BEND5: variants seen among roughly 807,000 people sequenced by gnomAD.
BEND5 encodes BEN domain containing 5, also known as BEN domain-containing protein 5.
A neutral mutation model predicts 43.9 loss-of-function variants in BEND5; 22 were observed. That is an observed-to-expected ratio of 0.50 (90% CI 0.36 to 0.72). The LOEUF (loss-of-function observed/expected upper bound fraction) is 0.72. BEND5 is among the 30% of genes least tolerant of loss of function. The probability of loss-of-function intolerance (pLI) is 0.00; values close to 1 mark genes in which losing one functional copy is unlikely to be tolerated. For missense variants in BEND5, 428 were observed against 550.6 expected (o/e 0.78, Z 2.23); for synonymous variants, 228 against 225.9 (o/e 1.01, Z -0.08).
intron 1 of BEND5, 117 bp from the exon 2 acceptor site, chr1:48,761,587 G>GA (rs1473357077): frequency 1.8e-6 from 2 of 1,100,216 alleles, no homozygotes; most frequent in Non-Finnish European, 2.5e-6. Flanking sequence ...AGTTAAAAAG[G>GA]AAAAACAAAC....
At chr1:48,739,554 G>T (rs1480366091) in intron 4 of BEND5, among the ~76,000 whole-genome samples, 1 of 152,188 alleles carries the variant, frequency 6.6e-6, no homozygotes, top group African/African-American at 2.4e-5. Flanking sequence ...GGGTGCTGGA[G>T]CTGCCAGCCT....
chr1:48,761,471 C>T lies in BEND5; in HGVS notation c.227-1G>A. ...CTGTTTTCAAGGTCAGATTTGTCTT[C>T]TAAAATGCATATCAAGAGAACAAGG... On this transcript the variant is annotated splice_acceptor_variant, in intron 1 of 5. Coordinates refer to ENST00000371833, the MANE Select transcript of BEND5 (RefSeq NM_024603.4). LOFTEE classifies it high-confidence loss of function. The T allele has an allele frequency of 6.5e-7, 1 of 1,549,906 alleles. No individual in the cohort carries two copies. Among genetic ancestry groups the T allele is most frequent in the South Asian group, 1.2e-5 (1 of 83,874 alleles).
rs898394346 is a variant in BEND5, at chr1:48,727,819, G to T, written c.*67C>A. 4 of 1,463,030 alleles carry T rather than the reference G, an allele frequency of 2.7e-6. No homozygotes were observed. Among genetic ancestry groups the T allele is most frequent in the Non-Finnish European group, 3.8e-6 (4 of 1,060,436 alleles). 90.6% of individuals were successfully genotyped at this position (1,463,030 alleles called of 1,614,324 possible). A position where few individuals can be genotyped will look rare whatever the true frequency, so the allele number is the denominator to read the frequency against. ...ATGCACGGTGGGGTCTGATTTGGAC[G>T]GCACCATCGCTCGCAAATCACATGC... On this transcript the variant is annotated 3_prime_UTR_variant, in exon 6 of 6. Transcript: ENST00000371833.
intron 5 of BEND5, among the ~76,000 whole-genome samples, chr1:48,735,968 C>T (rs1471112332): frequency 6.6e-6 from 1 of 152,184 alleles, no homozygotes; most frequent in Non-Finnish European, 1.5e-5. Context: ...GGTATCCTCC[C>T]CTCCTGAGAA....
intron 4 of BEND5, among the ~76,000 whole-genome samples, chr1:48,738,369 C>T (rs1307571330): frequency 2.6e-5 from 4 of 152,312 alleles, no homozygotes; most frequent in Middle Eastern, 3.4e-3. Flanking sequence ...TCTGTTCATC[C>T]GCTCAGGAAA....
At chr1:48,774,143 TC>T (rs1256445803) in intron 1 of BEND5, among the ~76,000 whole-genome samples, 1 of 152,222 alleles carries the variant, frequency 6.6e-6, no homozygotes, top group Non-Finnish European at 1.5e-5. Context: ...TCTATTTGTG[TC>T]AGAGAGATTA....
At chr1:48,761,125 G>T in intron 2 of BEND5, 1 of 537,122 alleles carries the variant, frequency 1.9e-6, no homozygotes, top group Non-Finnish European at 3.3e-6. Flanking sequence ...GACCAAGCTT[G>T]GTGGCACAGC....
intron 2 of BEND5, 189 bp from the exon 3 acceptor site, chr1:48,759,473 A>G (rs1354254858): frequency 6.0e-6 from 7 of 1,176,096 alleles, no homozygotes; most frequent in Non-Finnish European, 8.0e-6. Flanking sequence ...AATTTTATAA[A>G]TGGGGTTCCG....
chr1:48,752,458 T>C (rs1651895993), intron 3 of BEND5, among the ~76,000 whole-genome samples: 1 of 152,194 alleles, frequency 6.6e-6, no homozygotes, highest in African/African-American at 2.4e-5. Flanking sequence ...ACCAGTGAGT[T>C]TGAAATCAAG....
At chr1:48,769,356 A>C (rs1644689505) in intron 1 of BEND5, among the ~76,000 whole-genome samples, 1 of 151,996 alleles carries the variant, frequency 6.6e-6, no homozygotes, top group South Asian at 2.1e-4. Context: ...CACAGAAAAA[A>C]CTGGGAAGTT....
At chr1:48,765,125 C>T (rs1027055559) in intron 1 of BEND5, among the ~76,000 whole-genome samples, 5 of 152,232 alleles carry the variant, frequency 3.3e-5, no homozygotes, top group African/African-American at 1.2e-4. Flanking sequence ...CACATCCTAC[C>T]TACCTTCTTT....
intron 3 of BEND5, 121 bp from the exon 4 acceptor site, chr1:48,742,892 T>C (rs1650137361): frequency 4.1e-6 from 4 of 971,828 alleles, no homozygotes; most frequent in Non-Finnish European, 5.7e-6. Flanking sequence ...TTTTTGTCCA[T>C]TGAACTACAC....
At chr1:48,754,897 G>T (rs1235104970) in intron 3 of BEND5, among the ~76,000 whole-genome samples, 2 of 152,064 alleles carry the variant, frequency 1.3e-5, no homozygotes, top group African/African-American at 4.8e-5. Context: ...CAGGACCAGG[G>T]GTCAGAAGAC....
In BEND5 at chr1:48,732,145, A is replaced by G. The variant is rs573530640; in HGVS notation, c.1108+4094T>C. Among the ~76,000 whole-genome samples, 11 of 152,240 alleles carry G rather than the reference A, an allele frequency of 7.2e-5. No homozygotes were observed. The South Asian group carries it at 1.9e-3, about 26-fold the overall frequency. On this transcript the variant is annotated intron_variant, in intron 5 of 5. Coordinates refer to ENST00000371833, the MANE Select transcript of BEND5 (RefSeq NM_024603.4). ...AGTGAGGGATGTGGAGGAGTCAAGG[A>G]TGAGACCTGGGTGCCTGGCTGGTGG...
Position 48,758,955 on chromosome 1 carries a change from C to A in BEND5, c.690G>T (p.Glu230Asp). The A allele has an allele frequency of 6.3e-6, 10 of 1,599,612 alleles. No homozygotes were observed. Among genetic ancestry groups the A allele is most frequent in the Admixed American group, 1.7e-5 (1 of 57,492 alleles). Residue 230 changes from glutamate to aspartate, a missense_variant, in exon 3 of 6, where the codon GAG becomes GAT. This residue lies in a region of BEND5 where 243 missense variants were observed against 286.4 expected (regional missense o/e 0.85). Transcript: ENST00000371833. ...GGAGCCTCCGGTTAAGGTCACGGAG[C>A]TCCTTCATTTCAGACACAAGTGCCC... ...EYGALVSEMK[E>D]LRDLNRRLQD... is the part of the protein sequence containing the mutation.
chr1:48,748,311 A>G (rs950405228), intron 3 of BEND5, among the ~76,000 whole-genome samples: 2 of 152,136 alleles, frequency 1.3e-5, no homozygotes, highest in African/African-American at 4.8e-5. Context: ...TCTTAGCCCC[A>G]TTAGTCTTCC....
At chr1:48,763,078 A>C (rs911877472) in intron 1 of BEND5, among the ~76,000 whole-genome samples, 5 of 146,894 alleles carry the variant, frequency 3.4e-5, no homozygotes, top group African/African-American at 1.3e-4. Context: ...TCTTAAGCAT[A>C]AAGTGAATAG....
chr1:48,737,013 G>A (rs986821989), intron 4 of BEND5, among the ~76,000 whole-genome samples: 2 of 152,184 alleles, frequency 1.3e-5, no homozygotes, highest in Admixed American at 6.5e-5. Flanking sequence ...GCCAGGCATG[G>A]TGGCTCACAC....
At position 48,761,334 on chromosome 1, in the gene BEND5, T is replaced by C. The variant is rs1489491701; in HGVS notation, c.360+3A>G. The C allele has an allele frequency of 6.5e-7, 1 of 1,542,060 alleles. No individual in the cohort carries two copies. The highest frequency in any genetic ancestry group is 2.4e-5 in the East Asian group (1 of 40,844). ...CCTCCAAAGAAAGGAAAGATTTTGT[T>C]ACCTTGATGTGTCTAAGCTGTAAAT... On this transcript the variant is annotated splice_donor_region_variant and intron_variant, in intron 2 of 5. Transcript: ENST00000371833.
Sources: allele counts gnomAD v4.1 joint callset (sites outside exome capture counted in the v4.1 genomes callset), GRCh38; gene constraint gnomAD v4.1.1; regional missense constraint gnomAD v4.1.1; transcripts MANE v1.5; gene names NCBI Gene and HGNC (gene_info 2026-07-23, HGNC 2026-07-21).